Variants in NRG3 observed in about 807,000 individuals in gnomAD.
NRG3 encodes the protein neuregulin 3.
Under a neutral mutation model 66.9 loss-of-function variants are expected in NRG3, and 31 were observed. That is an observed-to-expected ratio of 0.46 (90% CI 0.35 to 0.63). NRG3 has a LOEUF of 0.63. NRG3 is among the 20% of genes least tolerant of loss of function. NRG3 has a pLI of 0.00. For missense variants in NRG3, 910 were observed against 878.9 expected (o/e 1.04, Z -0.45); for synonymous variants, 393 against 359.4 (o/e 1.09, Z -1.06).
chr10:82,478,045 A>T (rs1190913556), intron 2 of NRG3, among the ~76,000 whole-genome samples: 1 of 152,144 alleles, frequency 6.6e-6, no homozygotes, highest in Non-Finnish European at 1.5e-5. Context: ...CATTTTTAAG[A>T]TGCATAATTA....
At position 82,702,533 on chromosome 10, in the gene NRG3, T is replaced by C. The variant is rs370004004; in HGVS notation, c.954-36044T>C. On this transcript the variant is annotated intron_variant, in intron 2 of 8. Transcript: ENST00000372141. ...ACACAAACTTACACTACTATGTAAC[T>C]GAGAAACAAGAACTTGACAAGGTGC... Among the ~76,000 whole-genome samples the C allele has an allele frequency of 4.7e-4, 72 of 152,316 alleles. No individual in the cohort carries two copies. The South Asian group carries it at 0.012, about 25-fold the overall frequency.
intron 3 of NRG3, among the ~76,000 whole-genome samples, chr10:82,852,263 A>T (rs1028875984): frequency 6.6e-6 from 1 of 152,082 alleles, no homozygotes; most frequent in African/African-American, 2.4e-5. Flanking sequence ...GGACACAGGA[A>T]GGGGAACATC....
chr10:82,483,175 C>G (rs1349286890), intron 2 of NRG3, among the ~76,000 whole-genome samples: 1 of 152,198 alleles, frequency 6.6e-6, no homozygotes, highest in Non-Finnish European at 1.5e-5. Flanking sequence ...GAACCTTATT[C>G]AGAGACCAGC....
chr10:82,043,590 T>C (rs4933821), intron 1 of NRG3, among the ~76,000 whole-genome samples: 1,652 of 152,116 alleles, frequency 0.011, 14 homozygotes, highest in Non-Finnish European at 0.018. Context: ...ATTTGGAGTA[T>C]TTTTGCACAC....
chr10:82,874,254 C>T (rs937417094), intron 4 of NRG3, among the ~76,000 whole-genome samples: 1 of 151,902 alleles, frequency 6.6e-6, no homozygotes, highest in African/African-American at 2.4e-5. Flanking sequence ...AGGAAGTGGG[C>T]TTTTTTCTTC....
chr10:81,896,016 C>G (rs532787925), intron 1 of NRG3, among the ~76,000 whole-genome samples: 2 of 152,168 alleles, frequency 1.3e-5, no homozygotes, highest in South Asian at 4.2e-4. Context: ...TAAATTTTAT[C>G]TTAAATGTTA....
chr10:82,794,135 C>T (rs2060700727), intron 3 of NRG3, among the ~76,000 whole-genome samples: 1 of 152,120 alleles, frequency 6.6e-6, no homozygotes, highest in African/African-American at 2.4e-5. Context: ...CTTTGTGTCT[C>T]ATTGTTCTAT....
intron 2 of NRG3, among the ~76,000 whole-genome samples, chr10:82,497,000 A>C (rs567791478): frequency 2.0e-5 from 3 of 152,274 alleles, no homozygotes; most frequent in African/African-American, 7.2e-5. Flanking sequence ...TCTTTAATTA[A>C]AAGTTGCTGT....
intron 2 of NRG3, among the ~76,000 whole-genome samples, chr10:82,366,881 C>A (rs1246439889): frequency 6.6e-6 from 1 of 152,106 alleles, no homozygotes; most frequent in Non-Finnish European, 1.5e-5. Flanking sequence ...CACTAAAATT[C>A]TTAATGGCAT....
intron 6 of NRG3, among the ~76,000 whole-genome samples, chr10:82,971,499 C>G (rs772148937): frequency 6.6e-6 from 1 of 150,840 alleles, no homozygotes. Flanking sequence ...TACAGTGGCA[C>G]CATCTCGGCT....
At chr10:81,890,844 A>G (rs1413074444) in intron 1 of NRG3, among the ~76,000 whole-genome samples, 3 of 152,188 alleles carry the variant, frequency 2.0e-5, no homozygotes, top group Non-Finnish European at 4.4e-5. Flanking sequence ...GAGCAGAGTG[A>G]TCTTTGGCCA....
chr10:82,190,490 C>T (rs897835619), intron 1 of NRG3, among the ~76,000 whole-genome samples: 1 of 152,166 alleles, frequency 6.6e-6, no homozygotes, highest in African/African-American at 2.4e-5. Flanking sequence ...AAAGTTGCCA[C>T]ATTGCTATAG....
intron 1 of NRG3, among the ~76,000 whole-genome samples, chr10:82,288,977 C>A (rs1303639610): frequency 6.6e-6 from 1 of 152,166 alleles, no homozygotes; most frequent in African/African-American, 2.4e-5. Context: ...CCACCTTGGA[C>A]AATGATTTGT....
chr10:82,904,654 A>G (rs1366960396), intron 4 of NRG3, among the ~76,000 whole-genome samples: 1 of 152,170 alleles, frequency 6.6e-6, no homozygotes, highest in African/African-American at 2.4e-5. Context: ...AGGCATATGA[A>G]TGGGATATGC....
intron 2 of NRG3, among the ~76,000 whole-genome samples, chr10:82,591,410 A>G (rs1175102427): frequency 6.6e-6 from 1 of 152,224 alleles, no homozygotes; most frequent in Non-Finnish European, 1.5e-5. Context: ...ATAAACATTC[A>G]TAGTTTTAAT....
intron 1 of NRG3, among the ~76,000 whole-genome samples, chr10:82,340,163 A>G (rs1005603510): frequency 6.6e-6 from 1 of 152,146 alleles, no homozygotes; most frequent in Non-Finnish European, 1.5e-5. Flanking sequence ...TAGTCCTGTT[A>G]TAATCTCAGT....
chr10:82,752,564 AT>A (rs1437581087), intron 3 of NRG3, among the ~76,000 whole-genome samples: 1 of 152,140 alleles, frequency 6.6e-6, no homozygotes, highest in Non-Finnish European at 1.5e-5. Context: ...TCTTTTTATA[AT>A]TGTATACAAT....
At chr10:82,159,231 T>G (rs1368238447) in intron 1 of NRG3, among the ~76,000 whole-genome samples, 1 of 151,914 alleles carries the variant, frequency 6.6e-6, no homozygotes, top group African/African-American at 2.4e-5. Context: ...CTAAGTTTCA[T>G]ATGCAATGGT....
intron 2 of NRG3, among the ~76,000 whole-genome samples, chr10:82,371,149 G>C (rs539241074): frequency 2.4e-4 from 37 of 152,190 alleles, no homozygotes; most frequent in African/African-American, 8.9e-4. Context: ...GGCAGATTCT[G>C]ACCATACTGG....
Sources: allele counts gnomAD v4.1 joint callset (sites outside exome capture counted in the v4.1 genomes callset), GRCh38; gene constraint gnomAD v4.1.1; transcripts MANE v1.5; gene names NCBI Gene and HGNC (gene_info 2026-07-23, HGNC 2026-07-21).